Variants in NADK observed in about 807,000 individuals in gnomAD.
NADK encodes poly(P)/ATP NAD kinase.
A neutral mutation model predicts 49.8 loss-of-function variants in NADK; 22 were observed. The observed-to-expected ratio is 0.44, with a 90% confidence interval of 0.32 to 0.63. NADK has a LOEUF of 0.63. NADK is among the 30% of genes least tolerant of loss of function. The pLI is 0.06. For synonymous variants in NADK, 268 were observed against 253.7 expected (o/e 1.06, Z -0.54); for missense variants, 438 against 609.4 (o/e 0.72, Z 2.96).
intron 3 of NADK, 42 bp from the exon 4 acceptor site, chr1:1,757,352 C>G (rs763174173): frequency 7.2e-6 from 11 of 1,519,062 alleles, no homozygotes; most frequent in Non-Finnish European, 1.0e-5. Context: ...CTGCGATCTC[C>G]CTCTTGCGGA....
chr1:1,772,898 C>T (rs563615036), intron 1 of NADK, among the ~76,000 whole-genome samples: 8 of 150,928 alleles, frequency 5.3e-5, no homozygotes, highest in Admixed American at 3.3e-4. Flanking sequence ...AAAATCAGCC[C>T]GGCGTGGTGG....
chr1:1,760,170 C>T (rs1645672653), intron 3 of NADK, among the ~76,000 whole-genome samples: 1 of 152,222 alleles, frequency 6.6e-6, no homozygotes, highest in Admixed American at 6.5e-5. Flanking sequence ...GTGACAGAAT[C>T]TGCAGATGGA....
At chr1:1,761,829 GC>G in intron 3 of NADK, 122 bp downstream of exon 3, 1 of 830,362 alleles carries the variant, frequency 1.2e-6, no homozygotes. Flanking sequence ...CCTCAACACA[GC>G]GATCCCACAA....
chr1:1,765,491 G>C, intron 1 of NADK, 45 bp from the exon 2 acceptor site: 5 of 971,712 alleles, frequency 5.1e-6, no homozygotes, highest in Non-Finnish European at 7.1e-6. Flanking sequence ...AAATAAATAT[G>C]TATGAAACAA....
chr1:1,774,576 C>T (rs940868082), intron 1 of NADK, among the ~76,000 whole-genome samples: 8 of 150,994 alleles, frequency 5.3e-5, no homozygotes, highest in African/African-American at 1.9e-4. Flanking sequence ...CGGCCTCCCA[C>T]AGTGCTGGGA....
At chr1:1,777,321 A>T (rs2100398530) in intron 1 of NADK, among the ~76,000 whole-genome samples, 1 of 152,314 alleles carries the variant, frequency 6.6e-6, no homozygotes, top group South Asian at 2.1e-4. Context: ...GTTCAGGGGA[A>T]TAAGTACTTG....
intron 2 of NADK, 50 bp downstream of exon 2, chr1:1,765,175 ATAT>A: frequency 6.8e-7 from 1 of 1,472,864 alleles, no homozygotes; most frequent in East Asian, 2.4e-5. Context: ...TTAAGAAAGA[ATAT>A]TATGAAATCA....
At chr1:1,764,302 A>G (rs1449742769) in intron 2 of NADK, among the ~76,000 whole-genome samples, 1 of 152,162 alleles carries the variant, frequency 6.6e-6, no homozygotes, top group African/African-American at 2.4e-5. Context: ...CACCACATTT[A>G]CCATCACCAG....
chr1:1,773,041 CA>C (rs568045574), intron 1 of NADK, among the ~76,000 whole-genome samples: 1,760 of 55,316 alleles, frequency 0.032, 20 homozygotes, highest in African/African-American at 0.079. Context: ...AACTCCATCT[CA>C]AAAAAAAAAA....
chr1:1,768,336 A>G (rs1459843136), intron 1 of NADK, among the ~76,000 whole-genome samples: 2 of 152,094 alleles, frequency 1.3e-5, no homozygotes, highest in African/African-American at 4.8e-5. Flanking sequence ...CCAGGAGTTC[A>G]GGAACAGCCT....
At chr1:1,755,842 T>G (rs1645501386) in intron 6 of NADK, among the ~76,000 whole-genome samples, 1 of 152,096 alleles carries the variant, frequency 6.6e-6, no homozygotes, top group Non-Finnish European at 1.5e-5. Context: ...TGCGGGCATT[T>G]CCGGTGTCAC....
chr1:1,753,469 G>A, intron 11 of NADK, 98 bp downstream of exon 11: 2 of 963,230 alleles, frequency 2.1e-6, no homozygotes. Context: ...TGCCCTAGGG[G>A]ACAAGCTGTG....
Position 1,759,763 on chromosome 1 carries a change from G to A in NADK, c.263+2189C>T, listed in dbSNP as rs769485937. On this transcript the variant is annotated intron_variant, in intron 3 of 11. Transcript: ENST00000341426. ...TCCTCCTGCGGGGCTGTCTGGCCTC[G>A]GGCAGCTCGGGGACCACTGAGTACG... The A allele has an allele frequency of 9.6e-6, 15 of 1,555,972 alleles. No individual in the cohort carries two copies. In the African/African-American group the frequency reaches 1.2e-4, roughly 13 times the overall value.
chr1:1,755,094 C>T (rs1296520190), intron 7 of NADK, among the ~76,000 whole-genome samples: 3 of 152,196 alleles, frequency 2.0e-5, no homozygotes, highest in Admixed American at 6.5e-5. Flanking sequence ...GCTGGGATGA[C>T]AGGCGTGAGC....
chr1:1,752,798 T>C lies in NADK; in HGVS notation c.*106A>G. 1 of 1,332,382 alleles carries C rather than the reference T, an allele frequency of 7.5e-7. No individual in the cohort carries two copies. Among genetic ancestry groups the C allele is most frequent in the Non-Finnish European group, 1.0e-6 (1 of 965,778 alleles). The allele number at this position is 1,332,382 out of a possible 1,614,324, so 82.5% of individuals were successfully genotyped here. On this transcript the variant is annotated 3_prime_UTR_variant, in exon 12 of 12. Transcript: ENST00000341426. ...CTCTAACCCAGCTACAGAAAGGAAG[T>C]GGCCGTGCCACTGAGACAGGCGGTC...
intron 1 of NADK, among the ~76,000 whole-genome samples, chr1:1,773,631 T>TA (rs1178610150): frequency 1.3e-4 from 19 of 149,806 alleles, no homozygotes; most frequent in Admixed American, 2.7e-4. Flanking sequence ...CACAAAATGT[T>TA]AAAAAAAATG....
Position 1,754,114 on chromosome 1 carries a change from C to T in NADK, c.1038G>A (p.Thr346=), listed in dbSNP as rs185606691. 4.8e-5 allele frequency: 77 copies of T among 1,610,326 alleles called. No homozygotes were observed. In the East Asian group the frequency reaches 1.5e-3, roughly 32 times the overall value. ...IHPNVPAIMI[T]PICPHSLSFR... ...AGGACAGCGAGTGGGGGCAGATGGG[C>T]GTGATCATGATGGCCGGCACGTTGG... The change falls in exon 10 of 12, where the codon ACG becomes ACA. Residue 346 remains threonine (T), a synonymous_variant. Coordinates refer to ENST00000341426, the MANE Select transcript of NADK (RefSeq NM_023018.5). The surrounding 1 kb of genome is among the most constrained non-coding windows in gnomAD (Gnocchi z 4.3).
intron 1 of NADK, among the ~76,000 whole-genome samples, chr1:1,775,862 GC>G (rs1224496354): frequency 1.3e-5 from 2 of 152,192 alleles, no homozygotes; most frequent in African/African-American, 4.8e-5. Flanking sequence ...CAAATGATAA[GC>G]CACCAGCACA....
At chr1:1,765,202 A>C in intron 2 of NADK, 26 bp downstream of exon 2, 1 of 1,542,546 alleles carries the variant, frequency 6.5e-7, no homozygotes, top group Non-Finnish European at 8.7e-7. Context: ...GAGAAAAAAA[A>C]GAGGAACCAT....
Sources: gnomAD v4.1 joint callset for allele counts (sites outside exome capture counted in the v4.1 genomes callset) on GRCh38, gnomAD v4.1.1 for gene constraint, Gnocchi (gnomAD v3.1) non-coding constraint, MANE v1.5 for transcripts, NCBI Gene and HGNC (gene_info 2026-07-23, HGNC 2026-07-21) for gene names.